SRPK1: variants seen among roughly 807,000 people sequenced by gnomAD.
SRPK1 encodes the protein SFRS protein kinase 1.
Under a neutral mutation model 89.5 loss-of-function variants are expected in SRPK1, and 52 were observed. That is an observed-to-expected ratio of 0.58 (90% CI 0.46 to 0.73). SRPK1 has a LOEUF of 0.73. SRPK1 is among the 30% of genes least tolerant of loss of function. SRPK1 has a pLI of 0.00. For missense variants in SRPK1, 603 were observed against 780.6 expected (o/e 0.77, Z 2.71); for synonymous variants, 255 against 270.2 (o/e 0.94, Z 0.55).
At chr6:35,836,291 C>G (rs968897281) in intron 15 of SRPK1, among the ~76,000 whole-genome samples, 2 of 150,390 alleles carry the variant, frequency 1.3e-5, no homozygotes, top group Non-Finnish European at 2.9e-5. Context: ...CACCCCCCAA[C>G]CCCCCCATCC....
At chr6:35,861,723 CCA>C (rs1358249450) in intron 12 of SRPK1, among the ~76,000 whole-genome samples, 1 of 152,214 alleles carries the variant, frequency 6.6e-6, no homozygotes, top group Non-Finnish European at 1.5e-5. Flanking sequence ...GCTGCAGCTG[CCA>C]CTTGGCTGAG....
At chr6:35,860,966 C>G (rs768074205) in intron 12 of SRPK1, among the ~76,000 whole-genome samples, 2 of 152,052 alleles carry the variant, frequency 1.3e-5, no homozygotes, top group Non-Finnish European at 2.9e-5. Context: ...GCTCTCTTTG[C>G]TTGGTGGTGT....
intron 15 of SRPK1, among the ~76,000 whole-genome samples, chr6:35,837,687 C>T (rs1769210341): frequency 6.6e-6 from 1 of 152,024 alleles, no homozygotes; most frequent in Non-Finnish European, 1.5e-5. Flanking sequence ...TTCGGAGTAG[C>T]TGCGACCACA....
rs150737709 is a variant in SRPK1 at position 35,841,938 on chromosome 6, C to G, written c.1690+597G>C. Among the ~76,000 whole-genome samples the G allele has an allele frequency of 2.6e-5, 4 of 151,452 alleles. No individual in the cohort carries two copies. In the East Asian group the frequency reaches 7.7e-4, roughly 29 times the overall value. ...GCCATCATAATAGAAAAATCAGACACACACAGTTGCTGCTTCCACAGTCTC... is the reference window on the plus strand; with the variant it reads ...GCCATCATAATAGAAAAATCAGACAGACACAGTTGCTGCTTCCACAGTCTC... On this transcript the variant is annotated intron_variant, in intron 14 of 15. Transcript: ENST00000373825.
At chr6:35,844,442 T>C (rs6932973) in intron 13 of SRPK1, among the ~76,000 whole-genome samples, 47,842 of 151,950 alleles carry the variant, frequency 0.31, 7,767 homozygotes, top group South Asian at 0.42. Flanking sequence ...AGGACTTAGT[T>C]GGGGCATATT....
At chr6:35,870,981 G>A (rs1770024521) in intron 8 of SRPK1, 22 bp from the exon 9 acceptor site, 12 of 1,604,164 alleles carry the variant, frequency 7.5e-6, no homozygotes, top group Non-Finnish European at 1.0e-5. Flanking sequence ...AGAAAACCAA[G>A]TAAGAATTCT....
chr6:35,917,194 C>T (rs1421800596), intron 2 of SRPK1, among the ~76,000 whole-genome samples: 1 of 152,172 alleles, frequency 6.6e-6, no homozygotes, highest in Non-Finnish European at 1.5e-5. Flanking sequence ...GATGATTGTG[C>T]TGTTTCATAG....
chr6:35,874,624 T>C (rs1770114865), intron 6 of SRPK1, among the ~76,000 whole-genome samples: 1 of 152,184 alleles, frequency 6.6e-6, no homozygotes, highest in Admixed American at 6.5e-5. Context: ...AACCTACATA[T>C]GCAAATAGTG....
intron 2 of SRPK1, among the ~76,000 whole-genome samples, chr6:35,913,456 T>C (rs1472485668): frequency 6.6e-6 from 1 of 151,968 alleles, no homozygotes; most frequent in Non-Finnish European, 1.5e-5. Flanking sequence ...ATCGCGCCAC[T>C]ACACTCCCAC....
At chr6:35,908,255 G>C (rs932873856) in intron 2 of SRPK1, among the ~76,000 whole-genome samples, 1 of 152,214 alleles carries the variant, frequency 6.6e-6, no homozygotes, top group South Asian at 2.1e-4. Flanking sequence ...GTTTGGAGGA[G>C]GGCTCAGAAG....
chr6:35,836,588 A>C (rs974588084), intron 15 of SRPK1, among the ~76,000 whole-genome samples: 12 of 151,824 alleles, frequency 7.9e-5, no homozygotes, highest in African/African-American at 2.9e-4. Flanking sequence ...CCCTGCCTCT[A>C]CCAAAAATAC....
At chr6:35,873,602 G>A (rs777863051) in intron 7 of SRPK1, among the ~76,000 whole-genome samples, 3 of 151,220 alleles carry the variant, frequency 2.0e-5, no homozygotes, top group Non-Finnish European at 2.9e-5. Flanking sequence ...CGATTCTCCT[G>A]CCTCAGCCTG....
intron 6 of SRPK1, among the ~76,000 whole-genome samples, chr6:35,885,298 C>CACACACACACAG (rs1276672274): frequency 1.7e-4 from 19 of 113,184 alleles, no homozygotes; most frequent in South Asian, 5.8e-4. Flanking sequence ...CACACACACA[C>CACACACACACAG]AGAGAGAGAG....
intron 2 of SRPK1, among the ~76,000 whole-genome samples, chr6:35,906,620 G>C (rs1156850501): frequency 6.6e-6 from 1 of 152,218 alleles, no homozygotes; most frequent in Non-Finnish European, 1.5e-5. Flanking sequence ...CATAGGCACA[G>C]AAAGTAGATT....
intron 6 of SRPK1, among the ~76,000 whole-genome samples, chr6:35,883,584 C>CATAA (rs1770342910): frequency 6.6e-6 from 1 of 151,680 alleles, no homozygotes; most frequent in South Asian, 2.1e-4. Flanking sequence ...AATTTGTAAG[C>CATAA]AGTGATATTA....
intron 2 of SRPK1, among the ~76,000 whole-genome samples, chr6:35,911,046 A>G (rs1394601659): frequency 6.6e-6 from 1 of 152,220 alleles, no homozygotes; most frequent in Non-Finnish European, 1.5e-5. Context: ...CCATGGATCA[A>G]GGAGTCATTT....
At position 35,895,435 on chromosome 6, in the gene SRPK1, T is replaced by TTGTGTGTG. The variant is rs10566123; in HGVS notation, c.75-4430_75-4423dup. Among the ~76,000 whole-genome samples the TTGTGTGTG allele has an allele frequency of 2.0e-3, 294 of 147,962 alleles. 2 individuals carry two copies. Among genetic ancestry groups the TTGTGTGTG allele is most frequent in the African/African-American group, 6.9e-3 (278 of 40,176 alleles). ...CAAAAACAAAGGTTGAGGCATATGC[T>TTGTGTGTG]TGTGTGTGTGTGTGTGTGTGTGTGT... On this transcript the variant is annotated intron_variant, in intron 2 of 15. Coordinates refer to ENST00000373825, the MANE Select transcript of SRPK1 (RefSeq NM_003137.5).
chr6:35,888,203 T>C (rs1034566402), intron 4 of SRPK1, 92 bp from the exon 5 acceptor site: 5 of 766,526 alleles, frequency 6.5e-6, no homozygotes, highest in Non-Finnish European at 9.9e-6. Context: ...AAAGGACAAA[T>C]ATTGATTTCA....
intron 6 of SRPK1, among the ~76,000 whole-genome samples, chr6:35,884,697 A>ACT (rs1393440075): frequency 2.0e-5 from 3 of 152,142 alleles, no homozygotes; most frequent in Non-Finnish European, 4.4e-5. Context: ...ACCACCTAGC[A>ACT]ATGTTTGAAA....
Sources: gnomAD v4.1 joint callset for allele counts (sites outside exome capture counted in the v4.1 genomes callset) on GRCh38, gnomAD v4.1.1 for gene constraint, MANE v1.5 for transcripts, NCBI Gene and HGNC (gene_info 2026-07-23, HGNC 2026-07-21) for gene names.